Variants in MYCBP2 observed in about 807,000 individuals in gnomAD.
The protein encoded by MYCBP2 is MYC binding protein 2.
Under a neutral mutation model 525.3 loss-of-function variants are expected in MYCBP2, and 120 were observed. That is an observed-to-expected ratio of 0.23 (90% CI 0.20 to 0.27). MYCBP2 has a LOEUF of 0.27. Among genes scored for constraint, MYCBP2 ranks in the 10% least tolerant of loss-of-function variants. The pLI is 1.00. For missense variants in MYCBP2, 4,149 were observed against 5,657.1 expected, an observed-to-expected ratio of 0.73 and a Z score of 8.55; for synonymous variants, 1,894 against 1,955.8, an observed-to-expected ratio of 0.97 and a Z score of 0.83.
At chr13:77,273,707 T>C (rs1490331028) in intron 4 of MYCBP2, 39 bp from the exon 5 acceptor site, 2 of 1,376,230 alleles carry the variant, frequency 1.5e-6, no homozygotes, top group Non-Finnish European at 1.9e-6. Flanking sequence ...TCATCCAACA[T>C]ACGGAACATT....
At chr13:77,062,315 C>T (rs2154073676) in intron 74 of MYCBP2, among the ~76,000 whole-genome samples, 1 of 152,266 alleles carries the variant, frequency 6.6e-6, no homozygotes, top group Middle Eastern at 3.4e-3. Flanking sequence ...AAATCAGACT[C>T]TGGCTAAAAA....
intron 55 of MYCBP2, among the ~76,000 whole-genome samples, chr13:77,118,677 G>A (rs577885632): frequency 6.6e-6 from 1 of 151,706 alleles, no homozygotes; most frequent in Admixed American, 6.6e-5. Flanking sequence ...AATTTTGCAA[G>A]CTTTTTTTTT....
chr13:77,292,394 C>G (rs1477343660), intron 2 of MYCBP2, among the ~76,000 whole-genome samples: 2 of 151,774 alleles, frequency 1.3e-5, no homozygotes, highest in Non-Finnish European at 2.9e-5. Flanking sequence ...CAGTATGCAC[C>G]CAAGAAAACT....
At chr13:77,080,381 G>T (rs1487185209) in intron 65 of MYCBP2, 1 of 152,152 alleles carries the variant, frequency 6.6e-6, no homozygotes, top group Non-Finnish European at 1.5e-5. Context: ...CATTAATACT[G>T]TATCTGCTAG....
chr13:77,128,646 C>T (rs1048570813), intron 52 of MYCBP2, among the ~76,000 whole-genome samples: 7 of 151,834 alleles, frequency 4.6e-5, no homozygotes, highest in Non-Finnish European at 8.8e-5. Flanking sequence ...CACTGACAGA[C>T]ATAAAGTCAT....
intron 43 of MYCBP2, 105 bp downstream of exon 43, chr13:77,164,349 T>C: frequency 4.2e-6 from 3 of 707,052 alleles, no homozygotes; most frequent in South Asian, 1.7e-5. Flanking sequence ...CATGAATATA[T>C]GAGATTACAA....
chr13:77,302,611 T>C (rs1281667546), intron 1 of MYCBP2, among the ~76,000 whole-genome samples: 2 of 152,140 alleles, frequency 1.3e-5, no homozygotes, highest in South Asian at 2.1e-4. Flanking sequence ...TAATTCACTG[T>C]CAAGAGACCA....
At chr13:77,309,308 G>A (rs1274619396) in intron 1 of MYCBP2, among the ~76,000 whole-genome samples, 2 of 152,208 alleles carry the variant, frequency 1.3e-5, no homozygotes, top group Non-Finnish European at 2.9e-5. Context: ...AGGGAAAAGA[G>A]GCAGTTTGTG....
chr13:77,257,586 A>G, intron 14 of MYCBP2, 85 bp downstream of exon 14: 1 of 1,322,528 alleles, frequency 7.6e-7, no homozygotes, highest in Non-Finnish European at 1.0e-6. Flanking sequence ...CTCATTTTGA[A>G]AAGAACAAGA....
chr13:77,072,300 G>GAAAAAAAAAAAAAAA (rs56238720), intron 68 of MYCBP2, among the ~76,000 whole-genome samples: 3 of 121,192 alleles, frequency 2.5e-5, no homozygotes, highest in East Asian at 2.4e-4. Flanking sequence ...CAAAAAAAAA[G>GAAAAAAAAAAAAAAA]AAAAAAAAAA....
intron 52 of MYCBP2, among the ~76,000 whole-genome samples, chr13:77,136,099 G>A (rs1432077893): frequency 1.3e-5 from 2 of 152,148 alleles, no homozygotes; most frequent in Non-Finnish European, 2.9e-5. Flanking sequence ...CATAATAGGC[G>A]TGAGCCACCG....
Position 77,278,199 on chromosome 13 carries a change from T to C in MYCBP2, c.748+559A>G, listed in dbSNP as rs185774060. 2.2e-4 allele frequency among the ~76,000 whole-genome samples: 34 copies of C among 152,318 alleles called. No homozygotes were observed. The East Asian group carries it at 6.6e-3, about 29-fold the overall frequency. ...GTGGCATTTATTTCCTTTTCCCCTG[T>C]TTTTTAAAACTATTGAGAGTAACAA... On this transcript the variant is annotated intron_variant, in intron 4 of 82. Coordinates refer to ENST00000544440, the MANE Select transcript of MYCBP2 (RefSeq NM_015057.5).
chr13:77,294,576 T>C (rs564820747), intron 2 of MYCBP2, among the ~76,000 whole-genome samples: 1 of 152,272 alleles, frequency 6.6e-6, no homozygotes, highest in Admixed American at 6.5e-5. Flanking sequence ...GGATATCATA[T>C]GCCACCACTT....
At chr13:77,127,338 T>C (rs1450565043) in intron 52 of MYCBP2, among the ~76,000 whole-genome samples, 1 of 151,966 alleles carries the variant, frequency 6.6e-6, no homozygotes, top group African/African-American at 2.4e-5. Flanking sequence ...CTAAATTTTC[T>C]GTTAAATTGT....
chr13:77,146,302 G>T (rs2055540029), intron 47 of MYCBP2, 85 bp from the exon 48 acceptor site: 1 of 873,946 alleles, frequency 1.1e-6, no homozygotes, highest in Non-Finnish European at 1.7e-6. Flanking sequence ...TTCAATAAAT[G>T]GTTGTGAGAC....
chr13:77,299,746 G>A (rs768807059), intron 1 of MYCBP2, among the ~76,000 whole-genome samples: 1 of 152,144 alleles, frequency 6.6e-6, no homozygotes, highest in Non-Finnish European at 1.5e-5. Context: ...GAAGCTTAAT[G>A]AAGAATGTCT....
Position 77,055,852 on chromosome 13 carries a change from T to C in MYCBP2, c.13438-85A>G, listed in dbSNP as rs60048134. The stretch of plus-strand genomic sequence containing the variant: ...TTAGCATGCACCTAAGTGCCAAGCA[T>C]TGTGCTAGAAGATAACCAGACAGCA... On this transcript the variant is annotated intron_variant, in intron 79 of 82. Coordinates refer to ENST00000544440, the MANE Select transcript of MYCBP2 (RefSeq NM_015057.5). 10,931 of 905,102 alleles carry C rather than the reference T, an allele frequency of 0.012. 786 individuals carry two copies. The African/African-American group carries it at 0.15, about 13-fold the overall frequency. The allele number at this position is 905,102 out of a possible 1,614,324, so 56.1% of individuals were successfully genotyped here.
chr13:77,295,678 C>A (rs2078113193), intron 2 of MYCBP2, among the ~76,000 whole-genome samples: 1 of 152,166 alleles, frequency 6.6e-6, no homozygotes, highest in Non-Finnish European at 1.5e-5. Context: ...AGTTACGACT[C>A]CTCTCTTCCT....
chr13:77,245,162 G>A (rs529778410), intron 15 of MYCBP2, among the ~76,000 whole-genome samples: 2 of 152,320 alleles, frequency 1.3e-5, no homozygotes, highest in African/African-American at 2.4e-5. Context: ...TGGTGGGAGT[G>A]TAAATTAGTT....
Sources: allele counts gnomAD v4.1 joint callset (sites outside exome capture counted in the v4.1 genomes callset), GRCh38; gene constraint gnomAD v4.1.1; transcripts MANE v1.5; gene names NCBI Gene and HGNC (gene_info 2026-07-23, HGNC 2026-07-21).